RHBDD1: variants seen among roughly 807,000 people sequenced by gnomAD.
The protein encoded by RHBDD1 is rhomboid-related protein 4.
RHBDD1 carries 38 observed loss-of-function variants against 36.3 expected under a neutral mutation model. The observed-to-expected ratio is 1.05, with a 90% CI of 0.81 to 1.37. The LOEUF (loss-of-function observed/expected upper bound fraction) is 1.37, where lower values mean the gene tolerates loss of function less well. Among genes scored for constraint, RHBDD1 ranks in the 40% most tolerant of loss-of-function variants. RHBDD1 has a pLI of 0.00. For missense variants in RHBDD1, 393 were observed against 377.6 expected, an observed-to-expected ratio of 1.04 and a Z score of -0.34; for synonymous variants, 151 against 136.5, an observed-to-expected ratio of 1.11 and a Z score of -0.74.
intron 8 of RHBDD1, among the ~76,000 whole-genome samples, chr2:226,919,325 T>C (rs1949141216): frequency 6.6e-6 from 1 of 152,094 alleles, no homozygotes; most frequent in Admixed American, 6.6e-5. Flanking sequence ...GCTTTTAACA[T>C]GGTGTGATCC....
the RHBDD1 span, among the ~76,000 whole-genome samples, chr2:226,811,288 T>C: frequency 2.0e-5 from 3 of 152,056 alleles, no homozygotes; most frequent in East Asian, 1.9e-4. Flanking sequence ...AAAGAGATGA[T>C]CCTAAAATTG....
At chr2:226,881,294 T>C (rs1443580220) in intron 5 of RHBDD1, among the ~76,000 whole-genome samples, 1 of 152,216 alleles carries the variant, frequency 6.6e-6, no homozygotes, top group Non-Finnish European at 1.5e-5. Flanking sequence ...ACACAAAGCC[T>C]AACCACATCA....
the RHBDD1 span, among the ~76,000 whole-genome samples, chr2:226,803,028 A>G: frequency 6.6e-6 from 1 of 152,236 alleles, no homozygotes; most frequent in Admixed American, 6.5e-5. Context: ...TTTTGTATCA[A>G]AACATATGTT....
chr2:226,897,540 G>T (rs1347238236), intron 5 of RHBDD1, among the ~76,000 whole-genome samples: 2 of 152,184 alleles, frequency 1.3e-5, no homozygotes, highest in African/African-American at 2.4e-5. Context: ...CTACCAGCTG[G>T]AAAGTTCAAA....
In RHBDD1 at chr2:226,904,427, G is replaced by GCGC. The variant is rs768405024; in HGVS notation, c.567-2366_567-2365insCGC. ...ACATCCTGCAAGCGGGGGGGGAGGG[G>GCGC]GGTCAGGGAACTCCTGTTTCAGTAG... On this transcript the variant is annotated intron_variant, in intron 5 of 8. Transcript: ENST00000392062. Among the ~76,000 whole-genome samples, 2 of 90,822 alleles carry GCGC rather than the reference G, an allele frequency of 2.2e-5. 1 individual carries two copies. The highest frequency in any genetic ancestry group is 8.8e-5 in the African/African-American group (2 of 22,666). The allele number at this position is 90,822 out of a possible 152,430, so 59.6% of individuals were successfully genotyped here.
the RHBDD1 span, among the ~76,000 whole-genome samples, chr2:226,829,503 T>C: frequency 6.6e-6 from 1 of 152,222 alleles, no homozygotes. Context: ...TCTATGAATG[T>C]GAAATGTCAA....
intron 5 of RHBDD1, 52 bp downstream of exon 5, chr2:226,867,370 G>GA (rs746897145): frequency 1.9e-6 from 3 of 1,549,840 alleles, no homozygotes; most frequent in East Asian, 2.3e-5. Context: ...GTTCTGTGGA[G>GA]AAAAAAATTG....
At chr2:226,858,860 A>G (rs1390379511) in intron 3 of RHBDD1, among the ~76,000 whole-genome samples, 4 of 152,186 alleles carry the variant, frequency 2.6e-5, no homozygotes, top group African/African-American at 4.8e-5. Flanking sequence ...TTGATATAGT[A>G]CTGTCTAGTC....
chr2:226,995,560 T>C lies in RHBDD1; in HGVS notation c.*38T>C. On this transcript the variant is annotated 3_prime_UTR_variant, in exon 9 of 9. Transcript: ENST00000392062. ...GGAAGACATGGCCTATTCGTGTAAT[T>C]ATTGCCCATTTGGCTCATTCCCCAA... The C allele has an allele frequency of 7.2e-7, 1 of 1,383,064 alleles. No homozygotes were observed. The highest frequency in any genetic ancestry group is 1.0e-6 in the Non-Finnish European group (1 of 979,088). The allele number at this position is 1,383,064 out of a possible 1,614,324, so 85.7% of individuals were successfully genotyped here.
Position 226,997,789 on chromosome 2 carries a change from T to C in RHBDD1, c.*2267T>C, listed in dbSNP as rs1183705884. On this transcript the variant is annotated 3_prime_UTR_variant, in exon 9 of 9. Transcript: ENST00000392062. Reference sequence around the variant, plus strand: ...AGTGATGTGAGAAAGGTCATTTTAGTTATAAATGTAAACCAATTACTTTAG... The same window carrying C: ...AGTGATGTGAGAAAGGTCATTTTAGCTATAAATGTAAACCAATTACTTTAG... 2.0e-5 allele frequency: 3 copies of C among 152,226 alleles called. No homozygotes were observed. Among genetic ancestry groups the C allele is most frequent in the Non-Finnish European group, 4.4e-5 (3 of 68,044 alleles). The allele number at this position is 152,226 out of a possible 1,614,324, so 9.4% of individuals were successfully genotyped here.
At chr2:226,816,240 G>A in the RHBDD1 span, among the ~76,000 whole-genome samples, 6 of 152,060 alleles carry the variant, frequency 3.9e-5, no homozygotes, top group African/African-American at 1.2e-4. Flanking sequence ...GCTAGGCAGT[G>A]ACAAATTTAA....
At chr2:226,927,334 G>GTTTTTTTTT (rs11453624) in intron 8 of RHBDD1, among the ~76,000 whole-genome samples, 2 of 150,748 alleles carry the variant, frequency 1.3e-5, no homozygotes, top group Non-Finnish European at 1.5e-5. Flanking sequence ...TATACCAGAA[G>GTTTTTTTTT]TTTTTTTTTG....
At chr2:226,969,833 T>G (rs1953099375) in intron 8 of RHBDD1, among the ~76,000 whole-genome samples, 1 of 152,190 alleles carries the variant, frequency 6.6e-6, no homozygotes, top group African/African-American at 2.4e-5. Flanking sequence ...TGCTAAATTT[T>G]TCTTGGTTTG....
At chr2:226,973,640 A>T (rs1954002569) in intron 8 of RHBDD1, among the ~76,000 whole-genome samples, 1 of 152,194 alleles carries the variant, frequency 6.6e-6, no homozygotes, top group Non-Finnish European at 1.5e-5. Flanking sequence ...TTTCTTCCAG[A>T]GACAAAGGTA....
intron 8 of RHBDD1, among the ~76,000 whole-genome samples, chr2:226,932,195 T>G (rs10169717): frequency 0.46 from 69,510 of 151,898 alleles, 16,107 homozygotes; most frequent in African/African-American, 0.52. Context: ...GCCAAAGCAG[T>G]TTTGCATTCC....
At chr2:226,851,596 G>A (rs908348178) in intron 3 of RHBDD1, among the ~76,000 whole-genome samples, 1 of 152,000 alleles carries the variant, frequency 6.6e-6, no homozygotes, top group Middle Eastern at 3.4e-3. Flanking sequence ...TTTCCAAATT[G>A]CCTGGGGATC....
chr2:226,940,263 A>G (rs1395950989), intron 8 of RHBDD1, among the ~76,000 whole-genome samples: 1 of 152,208 alleles, frequency 6.6e-6, no homozygotes, highest in African/African-American at 2.4e-5. Flanking sequence ...TTCATGATGA[A>G]GATGCCAAAA....
intron 8 of RHBDD1, among the ~76,000 whole-genome samples, chr2:226,932,838 A>G (rs1198096771): frequency 6.6e-6 from 1 of 151,984 alleles, no homozygotes; most frequent in African/African-American, 2.4e-5. Flanking sequence ...TAAAGTTGCC[A>G]TATGTTTTCA....
chr2:226,963,103 G>T (rs1270192428), intron 8 of RHBDD1, among the ~76,000 whole-genome samples: 1 of 152,002 alleles, frequency 6.6e-6, no homozygotes, highest in Admixed American at 6.6e-5. Flanking sequence ...CCCCAAAAGT[G>T]TCCCCAGATG....
Sources: allele counts gnomAD v4.1 joint callset (sites outside exome capture counted in the v4.1 genomes callset), GRCh38; gene constraint gnomAD v4.1.1; transcripts MANE v1.5; gene names NCBI Gene and HGNC (gene_info 2026-07-23, HGNC 2026-07-21).